The following ADD2 variants were observed in gnomAD, a reference collection of about 807,000 sequenced individuals.
ADD2 encodes adducin 2, also known as beta-adducin.
Under a neutral mutation model 83.0 loss-of-function variants are expected in ADD2, and 23 were observed. That is an observed-to-expected ratio of 0.28 (90% confidence interval 0.20 to 0.39). The LOEUF (loss-of-function observed/expected upper bound fraction) is 0.39. ADD2 is among the 10% of genes least tolerant of loss of function. ADD2 has a pLI of 1.00. For missense variants in ADD2, 758 were observed against 944.9 expected, an observed-to-expected ratio of 0.80 and a Z score of 2.59; for synonymous variants, 375 against 375.4, an observed-to-expected ratio of 1.00 and a Z score of 0.01.
chr2:70,756,071 G>GAAAAAAAAAAAAAAAAAAAAAAAA (rs10549289), intron 1 of ADD2, among the ~76,000 whole-genome samples: 1 of 117,400 alleles, frequency 8.5e-6, no homozygotes, highest in African/African-American at 2.8e-5. Context: ...GCAAAAAAAA[G>GAAAAAAAAAAAAAAAAAAAAAAAA]AAAAAAAAAA....
At chr2:70,733,871 C>G (rs868943730) in intron 1 of ADD2, among the ~76,000 whole-genome samples, 31 of 152,152 alleles carry the variant, frequency 2.0e-4, no homozygotes, top group African/African-American at 7.0e-4. Flanking sequence ...GAAAGGATTG[C>G]CTTTCTTGTC....
rs199889944 is a variant in ADD2, at chr2:70,706,414, C to T, written c.-6G>A. The T allele has an allele frequency of 1.8e-5, 29 of 1,600,020 alleles. No individual in the cohort carries two copies. Among genetic ancestry groups the T allele is most frequent in the Middle Eastern group, 3.3e-4 (2 of 6,044 alleles). On this transcript the variant is annotated 5_prime_UTR_variant, in exon 3 of 16. Coordinates refer to ENST00000264436, the MANE Select transcript of ADD2 (RefSeq NM_001617.4). The surrounding 1 kb of genome is among the most constrained non-coding windows in gnomAD (Gnocchi z 5.0). ...GGGACCGTCTCTTCGCTCATTTTCCCGGTGGGTTTGCAATTCGCTCCTGGA... is the reference window on the plus strand; with the variant it reads ...GGGACCGTCTCTTCGCTCATTTTCCTGGTGGGTTTGCAATTCGCTCCTGGA...
Position 70,656,988 on chromosome 2 carries a change from A to G in ADD2, c.*6437T>C, listed in dbSNP as rs1235077299. On this transcript the variant is annotated 3_prime_UTR_variant, in exon 16 of 16. Coordinates refer to ENST00000264436, the MANE Select transcript of ADD2 (RefSeq NM_001617.4). Reference sequence around the variant, plus strand: ...TGCTCAGAGATTCAAACAGAAAACTATACAAAACCAACCCATAAATATATA... The same window carrying G: ...TGCTCAGAGATTCAAACAGAAAACTGTACAAAACCAACCCATAAATATATA... The G allele has an allele frequency of 6.7e-6, 1 of 149,902 alleles. No individual in the cohort carries two copies. Among genetic ancestry groups the G allele is most frequent in the Non-Finnish European group, 1.5e-5 (1 of 67,658 alleles). The allele number at this position is 149,902 out of a possible 1,614,324, so 9.3% of individuals were successfully genotyped here. A position where few individuals can be genotyped will look rare whatever the true frequency, so the allele number is the denominator to read the frequency against.
chr2:70,766,391 G>A (rs1413520381), intron 1 of ADD2, among the ~76,000 whole-genome samples: 8 of 152,174 alleles, frequency 5.3e-5, no homozygotes, highest in African/African-American at 1.9e-4. Context: ...CACAATTAAA[G>A]TAGAACCTTA....
rs556965720 is a variant in ADD2, at chr2:70,667,257, G to A, written c.1871-3522C>T. On this transcript the variant is annotated intron_variant, in intron 15 of 15. Coordinates refer to ENST00000264436, the MANE Select transcript of ADD2 (RefSeq NM_001617.4). ...CTGGAAAATGGGGGCTCTGTCCAAG[G>A]ATGGTGACTGGAAAGCTGGGGGAGA... 2.6e-5 allele frequency among the ~76,000 whole-genome samples: 4 copies of A among 152,254 alleles called. No homozygotes were observed. In the South Asian group the frequency reaches 8.3e-4, roughly 32 times the overall value.
Position 70,676,233 on chromosome 2 carries a change from T to C in ADD2, c.1593+563A>G. The C allele has an allele frequency of 1.0e-6, 1 of 987,246 alleles. No homozygotes were observed. The highest frequency in any genetic ancestry group is 1.1e-4 in the East Asian group (1 of 8,870). The allele number at this position is 987,246 out of a possible 1,614,324, so 61.2% of individuals were successfully genotyped here. A position where few individuals can be genotyped will look rare whatever the true frequency, so the allele number is the denominator to read the frequency against. Reference sequence around the variant, plus strand: ...TTGCTAAGCACTAGACAAAACACTGTTCTATCTCAAGCACAAAAACAATTA... The same window carrying C: ...TTGCTAAGCACTAGACAAAACACTGCTCTATCTCAAGCACAAAAACAATTA... On this transcript the variant is annotated intron_variant, in intron 13 of 15. Coordinates refer to ENST00000264436, the MANE Select transcript of ADD2 (RefSeq NM_001617.4). This position sits in a 1 kb window ranked among gnomAD's most constrained non-coding sequence, Gnocchi z 4.8.
chr2:70,761,420 C>A (rs1199018861), intron 1 of ADD2, among the ~76,000 whole-genome samples: 1 of 151,342 alleles, frequency 6.6e-6, no homozygotes, highest in Non-Finnish European at 1.5e-5. Context: ...ACCTGCCTGG[C>A]CAACATGGTG....
intron 13 of ADD2, 99 bp from the exon 14 acceptor site, chr2:70,674,924 G>A: frequency 6.7e-7 from 1 of 1,498,666 alleles, no homozygotes; most frequent in South Asian, 1.3e-5. Context: ...AAGCGGTCTT[G>A]CTAGGGACAG....
intron 1 of ADD2, among the ~76,000 whole-genome samples, chr2:70,763,465 T>C (rs76263354): frequency 0.02 from 3,020 of 152,154 alleles, 51 homozygotes; most frequent in Middle Eastern, 0.031. Flanking sequence ...GCTTAAACTA[T>C]ATAAACATCC....
chr2:70,741,111 T>C (rs1673875364), intron 1 of ADD2, among the ~76,000 whole-genome samples: 1 of 152,076 alleles, frequency 6.6e-6, no homozygotes, highest in African/African-American at 2.4e-5. Flanking sequence ...AAAAAAGAAA[T>C]GATAAATTGC....
intron 1 of ADD2, among the ~76,000 whole-genome samples, chr2:70,736,987 A>C (rs1553380264): frequency 6.6e-6 from 1 of 152,134 alleles, no homozygotes; most frequent in East Asian, 1.9e-4. Flanking sequence ...CTCATCATCA[A>C]TGGCCATCAG....
In ADD2 at chr2:70,740,177, A is replaced by G. The variant is rs185703851; in HGVS notation, c.-153-26993T>C. Among the ~76,000 whole-genome samples, 452 of 152,334 alleles carry G rather than the reference A, an allele frequency of 3.0e-3. 6 individuals are homozygous for G. The highest frequency in any genetic ancestry group is 0.01 in the African/African-American group (432 of 41,572). On this transcript the variant is annotated intron_variant, in intron 1 of 15. Transcript: ENST00000264436. ...TGATTCAAAATATTTTTATATTTGA[A>G]AAAAGTAAACCCCATAATGAAAGTA...
Position 70,672,865 on chromosome 2 carries a change from C to G in ADD2, c.1870+13G>C. On this transcript the variant is annotated intron_variant, in intron 15 of 15. Coordinates refer to ENST00000264436, the MANE Select transcript of ADD2 (RefSeq NM_001617.4). ...CCCTCTCCCTCCCTCCCAGCCTACT[C>G]AGCTGGACTCACCCTCTAAAGACTT... The G allele has an allele frequency of 6.2e-7, 1 of 1,607,796 alleles. No homozygotes were observed. The highest frequency in any genetic ancestry group is 8.5e-7 in the Non-Finnish European group (1 of 1,177,776).
intron 15 of ADD2, among the ~76,000 whole-genome samples, chr2:70,664,631 G>T (rs1553365734): frequency 6.6e-6 from 1 of 152,220 alleles, no homozygotes; most frequent in African/African-American, 2.4e-5. Flanking sequence ...ATGGTGGGCA[G>T]ACCTCGGCTT....
At chr2:70,755,690 T>C (rs1382256208) in intron 1 of ADD2, among the ~76,000 whole-genome samples, 1 of 152,192 alleles carries the variant, frequency 6.6e-6, no homozygotes, top group Non-Finnish European at 1.5e-5. Flanking sequence ...CTTAAATATT[T>C]TTTATTTAGC....
intron 1 of ADD2, among the ~76,000 whole-genome samples, chr2:70,727,497 T>G (rs1673066382): frequency 6.6e-6 from 1 of 152,280 alleles, no homozygotes; most frequent in Middle Eastern, 3.4e-3. Context: ...AGGACAAAAA[T>G]GACTCCTGTA....
chr2:70,713,160 A>T lies in ADD2; in HGVS notation c.-129T>A. 1 of 985,588 alleles carries T rather than the reference A, an allele frequency of 1.0e-6. No individual in the cohort carries two copies. Among genetic ancestry groups the T allele is most frequent in the Non-Finnish European group, 1.2e-6 (1 of 830,064 alleles). 61.1% of individuals were successfully genotyped at this position (985,588 alleles called of 1,614,324 possible). On this transcript the variant is annotated 5_prime_UTR_variant, in exon 2 of 16. Transcript: ENST00000264436. ...TCTCAAGGGTGCCGGCCACATCTAC[A>T]CAACCTCAAACATCCAGGTGGAAAC...
chr2:70,763,723 T>G (rs1302632966), intron 1 of ADD2, among the ~76,000 whole-genome samples: 1 of 151,938 alleles, frequency 6.6e-6, no homozygotes, highest in Non-Finnish European at 1.5e-5. Context: ...AATATCACCA[T>G]GCAATCAATG....
At chr2:70,755,827 G>A (rs186774642) in intron 1 of ADD2, among the ~76,000 whole-genome samples, 8 of 152,186 alleles carry the variant, frequency 5.3e-5, no homozygotes, top group African/African-American at 1.4e-4. Context: ...TTGGGAGGCC[G>A]AGGTGGGCAG....
Sources: gnomAD v4.1 joint callset for allele counts (sites outside exome capture counted in the v4.1 genomes callset) on GRCh38, gnomAD v4.1.1 for gene constraint, Gnocchi (gnomAD v3.1) non-coding constraint, MANE v1.5 for transcripts, NCBI Gene and HGNC (gene_info 2026-07-23, HGNC 2026-07-21) for gene names.